The following CPPED1 variants were observed in gnomAD, a reference collection of about 807,000 sequenced individuals.
CPPED1 encodes serine/threonine-protein phosphatase CPPED1.
In CPPED1, 28 loss-of-function variants were observed where a neutral mutation model predicts 28.0. The ratio of observed to expected loss-of-function variants is 1.00; its 90% CI spans 0.74 to 1.37. The LOEUF is 1.37. CPPED1 is among the 40% of genes most tolerant of loss of function. The probability of loss-of-function intolerance (pLI) is 0.00; values close to 1 mark genes in which losing one functional copy is unlikely to be tolerated. For missense variants in CPPED1, 504 were observed against 416.5 expected (o/e 1.21, Z -1.83); for synonymous variants, 198 against 180.2 (o/e 1.10, Z -0.79).
chr16:12,744,813 A>G (rs773588676), intron 2 of CPPED1, among the ~76,000 whole-genome samples: 7 of 152,162 alleles, frequency 4.6e-5, no homozygotes, highest in Non-Finnish European at 7.3e-5. Context: ...GCAAAACACC[A>G]TCTCCACAAA....
At chr16:12,727,421 T>A (rs2080175909) in intron 2 of CPPED1, among the ~76,000 whole-genome samples, 1 of 152,168 alleles carries the variant, frequency 6.6e-6, no homozygotes, top group Non-Finnish European at 1.5e-5. Flanking sequence ...GGCATGACCA[T>A]AATTCACTAC....
intron 3 of CPPED1, among the ~76,000 whole-genome samples, chr16:12,692,907 G>A (rs935381207): frequency 6.6e-6 from 1 of 152,180 alleles, no homozygotes; most frequent in African/African-American, 2.4e-5. Flanking sequence ...CATCACAACT[G>A]CCTGACATGG....
chr16:12,771,125 A>G (rs887290422), intron 2 of CPPED1, among the ~76,000 whole-genome samples: 24 of 152,220 alleles, frequency 1.6e-4, no homozygotes, highest in African/African-American at 5.5e-4. Context: ...GACTAGGATG[A>G]CAACAACAAA....
intron 2 of CPPED1, among the ~76,000 whole-genome samples, chr16:12,755,599 T>C (rs2080361269): frequency 6.6e-6 from 1 of 152,178 alleles, no homozygotes; most frequent in South Asian, 2.1e-4. Flanking sequence ...TGTATCTTTA[T>C]GTGTCTACTT....
At position 12,680,119 on chromosome 16, in the gene CPPED1, A is replaced by G. The variant is rs376890058; in HGVS notation, c.716-15004T>C. Among the ~76,000 whole-genome samples the G allele has an allele frequency of 9.0e-4, 137 of 152,254 alleles. 1 individual carries two copies. The highest frequency in any genetic ancestry group is 3.1e-3 in the African/African-American group (130 of 41,542). The stretch of plus-strand genomic sequence containing the variant: ...ACTGGTCCCATTCAGTTTCCTAAAA[A>G]AATCATTTAGAAGGTAATGTCTGCT... On this transcript the variant is annotated intron_variant, in intron 3 of 3. Coordinates refer to ENST00000381774, the MANE Select transcript of CPPED1 (RefSeq NM_018340.3).
At chr16:12,755,318 G>A (rs111986667) in intron 2 of CPPED1, among the ~76,000 whole-genome samples, 6,212 of 116,794 alleles carry the variant, frequency 0.053, 461 homozygotes, top group African/African-American at 0.19. Flanking sequence ...GTCTCCCTCT[G>A]TTGCCCAGGC....
chr16:12,693,726 G>A (rs1221010971), intron 3 of CPPED1, among the ~76,000 whole-genome samples: 2 of 152,184 alleles, frequency 1.3e-5, no homozygotes, highest in Non-Finnish European at 2.9e-5. Context: ...CTAAGCTGGA[G>A]ATACTGGAAT....
At chr16:12,698,445 T>G (rs2080003588) in intron 3 of CPPED1, among the ~76,000 whole-genome samples, 1 of 152,162 alleles carries the variant, frequency 6.6e-6, no homozygotes, top group Admixed American at 6.5e-5. Context: ...TTTTTATTTA[T>G]TTTTGAGACA....
rs2080677105 is a variant in CPPED1, at chr16:12,803,831, A to G, written c.-55T>C. On this transcript the variant is annotated 5_prime_UTR_variant, in exon 1 of 4. Coordinates refer to ENST00000381774, the MANE Select transcript of CPPED1 (RefSeq NM_018340.3). ...ACACTGCGTGGGTGGAAGCCGCGCG[A>G]CTTCACACAGAACAACCGCTGGACC... 1 of 1,507,674 alleles carries G rather than the reference A, an allele frequency of 6.6e-7. No individual in the cohort carries two copies. Among genetic ancestry groups the G allele is most frequent in the Non-Finnish European group, 9.0e-7 (1 of 1,109,922 alleles). The allele number at this position is 1,507,674 out of a possible 1,614,324, so 93.4% of individuals were successfully genotyped here. A position where few individuals can be genotyped will look rare whatever the true frequency, so the allele number is the denominator to read the frequency against.
intron 2 of CPPED1, among the ~76,000 whole-genome samples, chr16:12,740,178 G>A (rs2080247496): frequency 6.6e-6 from 1 of 152,154 alleles, no homozygotes. Flanking sequence ...CGGGCGCAGT[G>A]GCTCATGGCT....
chr16:12,785,081 C>T (rs563745318), intron 1 of CPPED1, among the ~76,000 whole-genome samples: 24 of 152,280 alleles, frequency 1.6e-4, no homozygotes, highest in African/African-American at 5.5e-4. Context: ...AAGGTTCCTG[C>T]TACAGAAGCT....
intron 2 of CPPED1, among the ~76,000 whole-genome samples, chr16:12,722,007 A>G (rs2080143650): frequency 6.6e-6 from 1 of 152,158 alleles, no homozygotes; most frequent in African/African-American, 2.4e-5. Flanking sequence ...AGAACAAGCA[A>G]ACCAATGTTC....
At chr16:12,777,218 G>C (rs562061766) in intron 2 of CPPED1, among the ~76,000 whole-genome samples, 9 of 152,316 alleles carry the variant, frequency 5.9e-5, no homozygotes, top group African/African-American at 2.2e-4. Context: ...AATTATTCCT[G>C]TATTAACTGT....
intron 1 of CPPED1, among the ~76,000 whole-genome samples, chr16:12,792,804 C>G (rs756692734): frequency 1.3e-5 from 2 of 152,190 alleles, no homozygotes; most frequent in African/African-American, 2.4e-5. Flanking sequence ...TTTGCTCTTC[C>G]TTTGTCTTCC....
chr16:12,756,240 G>C (rs1401300343), intron 2 of CPPED1, among the ~76,000 whole-genome samples: 2 of 152,170 alleles, frequency 1.3e-5, no homozygotes, highest in Non-Finnish European at 2.9e-5. Context: ...TCCATACTGA[G>C]AAGCTGTGGA....
At chr16:12,686,511 CAAT>C (rs1320605201) in intron 3 of CPPED1, among the ~76,000 whole-genome samples, 1 of 152,182 alleles carries the variant, frequency 6.6e-6, no homozygotes, top group Non-Finnish European at 1.5e-5. Flanking sequence ...ACAGTTTTGT[CAAT>C]AAACTTCTTG....
chr16:12,730,881 C>A (rs768850311), intron 2 of CPPED1, among the ~76,000 whole-genome samples: 10 of 152,212 alleles, frequency 6.6e-5, no homozygotes, highest in South Asian at 4.1e-4. Flanking sequence ...CTTTACTTCA[C>A]ATTACCCGCA....
intron 2 of CPPED1, among the ~76,000 whole-genome samples, chr16:12,779,925 C>A (rs2080519964): frequency 1.3e-5 from 2 of 152,142 alleles, no homozygotes; most frequent in South Asian, 4.1e-4. Context: ...GACAGGAGCA[C>A]TCTCCGTTTG....
chr16:12,719,655 C>A (rs996097517), intron 2 of CPPED1, among the ~76,000 whole-genome samples: 1 of 152,158 alleles, frequency 6.6e-6, no homozygotes, highest in African/African-American at 2.4e-5. Flanking sequence ...CACCTTTAGG[C>A]CAGGCGCGGT....
Sources: gnomAD v4.1 joint callset for allele counts (sites outside exome capture counted in the v4.1 genomes callset) on GRCh38, gnomAD v4.1.1 for gene constraint, MANE v1.5 for transcripts, NCBI Gene and HGNC (gene_info 2026-07-23, HGNC 2026-07-21) for gene names.